DACH2: variants seen among roughly 807,000 people sequenced by gnomAD.
DACH2 encodes the protein dachshund family transcription factor 2, also known as dachshund homolog 2.
In DACH2, 17 loss-of-function variants were observed where a neutral mutation model predicts 35.8. The ratio of observed to expected loss-of-function variants is 0.48; its 90% CI spans 0.33 to 0.71. DACH2 has a LOEUF of 0.71. Among genes scored for constraint, DACH2 ranks in the 30% least tolerant of loss-of-function variants. The pLI is 0.02. For missense variants in DACH2, 469 were observed against 472.7 expected, an observed-to-expected ratio of 0.99 and a Z score of 0.07; for synonymous variants, 195 against 177.3, an observed-to-expected ratio of 1.10 and a Z score of -0.79.
In DACH2 at chrX:86,639,241, C is replaced by T. The variant is rs190000364; in HGVS notation, c.641-11795C>T. ...AAGAAAAGCAAGACCGGAAAACAGC[C>T]GACCTGGGAGCAACATGGAGCCTTG... is the stretch of plus-strand genomic sequence containing the variant. On this transcript the variant is annotated intron_variant, in intron 3 of 11. Transcript: ENST00000373125. 5.2e-3 allele frequency among the ~76,000 whole-genome samples: 576 copies of T among 111,459 alleles called. 4 individuals are homozygous for T. The highest frequency in any genetic ancestry group is 0.018 in the African/African-American group (544 of 30,644).
intron 1 of DACH2, among the ~76,000 whole-genome samples, chrX:86,323,637 G>T (rs2035058090): frequency 8.9e-6 from 1 of 112,053 alleles, no homozygotes; most frequent in Non-Finnish European, 1.9e-5. Context: ...ATAGGGGGCT[G>T]GTTGGGGCTA....
chrX:86,386,130 G>A (rs979755178), intron 2 of DACH2, among the ~76,000 whole-genome samples: 1 of 111,058 alleles, frequency 9.0e-6, no homozygotes, highest in African/African-American at 3.3e-5. Context: ...TTTAATCCGC[G>A]GGTCTCTTAA....
intron 5 of DACH2, among the ~76,000 whole-genome samples, chrX:86,703,430 G>T (rs765800077): frequency 5.3e-4 from 59 of 110,837 alleles, no homozygotes; most frequent in African/African-American, 1.8e-3. Flanking sequence ...GAACAATCAG[G>T]CAAGAGAAAG....
chrX:86,165,336 T>C (rs1280135301), intron 1 of DACH2, among the ~76,000 whole-genome samples: 1 of 111,767 alleles, frequency 8.9e-6, no homozygotes, highest in East Asian at 2.8e-4. Flanking sequence ...TTCTTTTGTG[T>C]ATATACTCTG....
chrX:86,286,098 A>T (rs1208223735), intron 1 of DACH2, among the ~76,000 whole-genome samples: 1 of 100,273 alleles, frequency 1.0e-5, no homozygotes, highest in Non-Finnish European at 2.0e-5. Flanking sequence ...TTGTTCTTCC[A>T]TCCATTCAGC....
intron 1 of DACH2, among the ~76,000 whole-genome samples, chrX:86,289,334 G>C (rs758375904): frequency 4.0e-4 from 43 of 107,528 alleles, no homozygotes; most frequent in African/African-American, 1.3e-3. Context: ...ACTGCGAGCT[G>C]TGCAGCCTGT....
At chrX:86,171,881 A>G (rs2031137052) in intron 1 of DACH2, among the ~76,000 whole-genome samples, 2 of 111,387 alleles carry the variant, frequency 1.8e-5, no homozygotes, top group Non-Finnish European at 3.8e-5. Context: ...TAACTTGCAT[A>G]GCTTTCTATT....
At chrX:86,568,485 G>C (rs1176306575) in intron 3 of DACH2, among the ~76,000 whole-genome samples, 3 of 111,281 alleles carry the variant, frequency 2.7e-5, no homozygotes, top group African/African-American at 9.8e-5. Context: ...AACAAAAGAA[G>C]TCAATTTGCT....
At chrX:86,680,829 T>C (rs1166484493) in intron 4 of DACH2, among the ~76,000 whole-genome samples, 2 of 108,693 alleles carry the variant, frequency 1.8e-5, no homozygotes, top group Non-Finnish European at 3.8e-5. Context: ...TTGATTTTTA[T>C]TTTTTGTAAA....
At chrX:86,476,163 T>G (rs1424686349) in intron 2 of DACH2, among the ~76,000 whole-genome samples, 1 of 111,952 alleles carries the variant, frequency 8.9e-6, no homozygotes, top group Non-Finnish European at 1.9e-5. Flanking sequence ...TTTGTCTGGT[T>G]TTGGTATCAA....
rs893998810 is a variant in DACH2 at position 86,266,470 on chromosome X, C to T, written c.489-110354C>T. On this transcript the variant is annotated intron_variant, in intron 1 of 11. Transcript: ENST00000373125. ...ATTTTGAAGGCCACTGCAAAACTGACGTTCTAAAAACATTATAAGATAGTG... is the reference window on the plus strand; with the variant it reads ...ATTTTGAAGGCCACTGCAAAACTGATGTTCTAAAAACATTATAAGATAGTG... 4.5e-5 allele frequency among the ~76,000 whole-genome samples: 5 copies of T among 111,858 alleles called. No homozygotes were observed. In the East Asian group the frequency reaches 8.4e-4, roughly 19 times the overall value.
intron 2 of DACH2, among the ~76,000 whole-genome samples, chrX:86,495,830 C>T (rs184196036): frequency 1.8e-5 from 2 of 109,981 alleles, no homozygotes; most frequent in African/African-American, 6.6e-5. Flanking sequence ...AAAATAAATT[C>T]AAGTTCAAGC....
At chrX:86,630,261 T>C (rs952324311) in intron 3 of DACH2, among the ~76,000 whole-genome samples, 1 of 110,640 alleles carries the variant, frequency 9.0e-6, no homozygotes, top group Non-Finnish European at 1.9e-5. Flanking sequence ...TCAAGATTTA[T>C]TAGCTGTATG....
At chrX:86,174,713 G>A (rs1602254670) in intron 1 of DACH2, among the ~76,000 whole-genome samples, 2 of 110,423 alleles carry the variant, frequency 1.8e-5, no homozygotes. Context: ...TTGCTGTGTT[G>A]CCCAGGCTGG....
chrX:86,200,023 C>G (rs1288909341), intron 1 of DACH2, among the ~76,000 whole-genome samples: 1 of 111,777 alleles, frequency 8.9e-6, no homozygotes, highest in African/African-American at 3.3e-5. Context: ...CTGGAAGCAT[C>G]ATGGTACTTG....
At chrX:86,477,276 TTCTCTC>T (rs1214627775) in intron 2 of DACH2, among the ~76,000 whole-genome samples, 1 of 104,398 alleles carries the variant, frequency 9.6e-6, no homozygotes, top group African/African-American at 3.4e-5. Context: ...TAGGGTTTCT[TTCTCTC>T]TCTCTTTAGC....
At chrX:86,442,534 G>A (rs188318992) in intron 2 of DACH2, among the ~76,000 whole-genome samples, 3 of 108,919 alleles carry the variant, frequency 2.8e-5, no homozygotes, top group Admixed American at 1.0e-4. Context: ...CTTTTGCTGT[G>A]CAGAAACTTT....
intron 2 of DACH2, among the ~76,000 whole-genome samples, chrX:86,464,094 T>C (rs756231439): frequency 9.0e-6 from 1 of 111,361 alleles, no homozygotes; most frequent in African/African-American, 3.3e-5. Flanking sequence ...AGTTCAACCA[T>C]TGTAGAAGAC....
intron 1 of DACH2, among the ~76,000 whole-genome samples, chrX:86,292,584 C>T (rs1194963407): frequency 9.0e-6 from 1 of 110,915 alleles, no homozygotes; most frequent in African/African-American, 3.3e-5. Context: ...TTTCCCTCTA[C>T]ACACTGCTTT....
Sources: allele counts gnomAD v4.1 joint callset (sites outside exome capture counted in the v4.1 genomes callset), GRCh38; gene constraint gnomAD v4.1.1; transcripts MANE v1.5; gene names NCBI Gene and HGNC (gene_info 2026-07-23, HGNC 2026-07-21).